Variants in APTX observed in about 807,000 individuals in gnomAD.
The protein encoded by APTX is forkhead-associated domain histidine triad-like protein.
Under a neutral mutation model 42.3 loss-of-function variants are expected in APTX, and 33 were observed. The observed-to-expected ratio is 0.78, with a 90% CI of 0.59 to 1.04. The LOEUF is 1.04. Ranked by LOEUF, APTX falls within the 50% of genes least tolerant of loss-of-function variation. APTX has a pLI of 0.00. For missense variants in APTX, 421 were observed against 415.1 expected (o/e 1.01, Z -0.12); for synonymous variants, 130 against 146.7 (o/e 0.89, Z 0.82).
chr9:33,015,769 T>A (rs1324954005), intron 1 of APTX: 1 of 152,238 alleles, frequency 6.6e-6, no homozygotes, highest in Non-Finnish European at 1.5e-5. Context: ...ACAGAGTAGA[T>A]CTTGATGTCA....
upstream of APTX, among the ~76,000 whole-genome samples, chr9:33,004,808 T>TA (rs1837017376): frequency 1.4e-5 from 1 of 71,260 alleles, no homozygotes; most frequent in South Asian, 5.2e-4. Context: ...AATTTTTGTA[T>TA]TTTTTTTTTT....
chr9:33,022,046 G>T (rs1037062371), intron 1 of APTX, among the ~76,000 whole-genome samples: 1 of 151,638 alleles, frequency 6.6e-6, no homozygotes, highest in South Asian at 2.1e-4. Flanking sequence ...TATAATGCTG[G>T]ACTGATGAAG....
intron 6 of APTX, among the ~76,000 whole-genome samples, chr9:32,976,397 T>A (rs1829426404): frequency 1.3e-5 from 2 of 152,156 alleles, no homozygotes; most frequent in Non-Finnish European, 2.9e-5. Context: ...TAAAAACTAC[T>A]TGCTGTAGCC....
chr9:33,000,234 C>T (rs765409872), intron 1 of APTX, among the ~76,000 whole-genome samples: 10 of 152,162 alleles, frequency 6.6e-5, no homozygotes, highest in Non-Finnish European at 1.3e-4. Context: ...GTATGTAAAG[C>T]TCAGTGTCTG....
chr9:32,976,163 G>A (rs751785210), intron 6 of APTX, among the ~76,000 whole-genome samples: 14 of 150,856 alleles, frequency 9.3e-5, no homozygotes, highest in Non-Finnish European at 2.1e-4. Flanking sequence ...TCACTCATAG[G>A]TGGGAACTAA....
chr9:33,022,345 G>C (rs1218763213), intron 1 of APTX, among the ~76,000 whole-genome samples: 2 of 152,102 alleles, frequency 1.3e-5, no homozygotes, highest in African/African-American at 4.8e-5. Flanking sequence ...AAAGAAACTC[G>C]AAACAATAAG....
At position 32,989,910 on chromosome 9, in the gene APTX, A is replaced by C. The variant is rs751537148; in HGVS notation, c.-4-15T>G. Reference sequence around the variant, plus strand: ...GCATCATCACTCTAAGGGACAAAACAAAAGAATCACTAGAAAAACAGATCC... The same window carrying C: ...GCATCATCACTCTAAGGGACAAAACCAAAGAATCACTAGAAAAACAGATCC... On this transcript the variant is annotated splice_polypyrimidine_tract_variant and intron_variant, in intron 1 of 7. Transcript: ENST00000379817. The C allele has an allele frequency of 1.2e-6, 2 of 1,612,146 alleles. No individual in the cohort carries two copies. Among genetic ancestry groups the C allele is most frequent in the African/African-American group, 2.7e-5 (2 of 74,896 alleles).
At chr9:32,994,686 T>C (rs12377076) in intron 1 of APTX, among the ~76,000 whole-genome samples, 10,733 of 152,276 alleles carry the variant, frequency 0.07, 513 homozygotes, top group Non-Finnish European at 0.11. Flanking sequence ...TTCGTTATTA[T>C]TATATCTGTT....
intron 5 of APTX, 56 bp from the exon 6 acceptor site, chr9:32,984,913 C>A: frequency 1.3e-6 from 2 of 1,494,410 alleles, no homozygotes; most frequent in Non-Finnish European, 1.9e-6. Context: ...CTTCTGTGTG[C>A]CTGGTTGTTA....
At chr9:33,005,967 G>C (rs1837104644), upstream of APTX, among the ~76,000 whole-genome samples, 2 of 151,756 alleles carry the variant, frequency 1.3e-5, no homozygotes, top group South Asian at 2.1e-4. Flanking sequence ...GCACTGTTTT[G>C]ATTACTATAG....
At chr9:33,001,439 G>T (rs1238328876) in intron 1 of APTX, 128 bp downstream of exon 1, 2 of 1,558,242 alleles carry the variant, frequency 1.3e-6, no homozygotes, top group Admixed American at 1.9e-5. Flanking sequence ...GAAAGCAGCC[G>T]TGAGAGCAGC....
rs1025342925 is a variant in APTX, at chr9:32,988,690, A to G, written c.134-561T>C. Among the ~76,000 whole-genome samples the G allele has an allele frequency of 2.6e-3, 211 of 81,098 alleles. 2 individuals carry two copies. The highest frequency in any genetic ancestry group is 5.0e-3 in the Non-Finnish European group (184 of 36,698). The allele number at this position is 81,098 out of a possible 152,430, so 53.2% of individuals were successfully genotyped here. On this transcript the variant is annotated intron_variant, in intron 2 of 7. Transcript: ENST00000379817. ...AGTGAGACCCTATCTCAGGAGGAAA[A>G]AAAAAAAAAAAAAAAAAAAAAAAGA...
At chr9:33,021,044 G>A (rs1004883079) in intron 1 of APTX, among the ~76,000 whole-genome samples, 1 of 151,678 alleles carries the variant, frequency 6.6e-6, no homozygotes, top group Non-Finnish European at 1.5e-5. Flanking sequence ...CAGGAGAATC[G>A]CTTGAACCTG....
chr9:33,014,835 G>A (rs1195808410), intron 1 of APTX, among the ~76,000 whole-genome samples: 1 of 152,216 alleles, frequency 6.6e-6, no homozygotes, highest in African/African-American at 2.4e-5. Context: ...CAGGGATACT[G>A]TCAAGGACAC....
rs757801409 is a variant in APTX, at chr9:33,001,454, G to C, written c.-5+113C>G. ...GAAAGCAGCCGTGAGAGCAGCGCAT[G>C]AAAGCAGCGTCATTCAAGGCACATC... On this transcript the variant is annotated intron_variant, in intron 1 of 7. Coordinates refer to ENST00000379817, the MANE Select transcript of APTX (RefSeq NM_001195248.2). The C allele has an allele frequency of 1.1e-5, 17 of 1,579,858 alleles. No homozygotes were observed. The African/African-American group carries it at 2.0e-4, about 19-fold the overall frequency.
At chr9:33,020,906 G>T (rs774337927) in intron 1 of APTX, among the ~76,000 whole-genome samples, 1 of 152,018 alleles carries the variant, frequency 6.6e-6, no homozygotes, top group South Asian at 2.1e-4. Context: ...GAGGCGGGCA[G>T]ATCACCTGAG....
In APTX at chr9:32,987,795, C is replaced by T; in HGVS notation, c.232G>A (p.Glu78Lys). The change falls in exon 4 of 8, where the codon GAG (glutamate) becomes AAG (lysine). Residue 78 changes from glutamate (E) to lysine (K), a missense_variant. Transcript: ENST00000379817. The stretch of plus-strand genomic sequence containing the variant: ...ACCTGGCCAGGCTGCAGCTTCACCT[C>T]TTGGTCCTTCCCAATTACGACTGAG... ...IDSVVIGKDQ[E>K]VKLQPGQVLH... The T allele has an allele frequency of 6.2e-7, 1 of 1,614,066 alleles. No individual in the cohort carries two copies. The highest frequency in any genetic ancestry group is 8.5e-7 in the Non-Finnish European group (1 of 1,180,042).
At chr9:32,984,494 C>T (rs1204864147) in intron 6 of APTX, 137 bp downstream of exon 6, 1 of 831,658 alleles carries the variant, frequency 1.2e-6, no homozygotes, top group Non-Finnish European at 2.0e-6. Context: ...GTGGAAGCTT[C>T]AGCCCACCTG....
chr9:32,998,738 G>A (rs1204353093), intron 1 of APTX, among the ~76,000 whole-genome samples: 7 of 152,004 alleles, frequency 4.6e-5, no homozygotes, highest in African/African-American at 1.5e-4. Context: ...GGGGCTAGGG[G>A]AGGGATAGCA....
Sources: allele counts gnomAD v4.1 joint callset (sites outside exome capture counted in the v4.1 genomes callset), GRCh38; gene constraint gnomAD v4.1.1; transcripts MANE v1.5; gene names NCBI Gene and HGNC (gene_info 2026-07-23, HGNC 2026-07-21).